The following PKHD1 variants were observed in gnomAD, a reference collection of about 807,000 sequenced individuals.
The protein encoded by PKHD1 is PKHD1 ciliary IPT domain containing fibrocystin/polyductin, also known as fibrocystin.
A neutral mutation model predicts 412.0 loss-of-function variants in PKHD1; 291 were observed. The ratio of observed to expected loss-of-function variants is 0.71; its 90% CI spans 0.64 to 0.78. The LOEUF (loss-of-function observed/expected upper bound fraction) is 0.78. Ranked by LOEUF, PKHD1 falls within the 30% of genes least tolerant of loss-of-function variation. The probability of loss-of-function intolerance (pLI) is 0.00; values close to 1 mark genes in which losing one functional copy is unlikely to be tolerated. For synonymous variants in PKHD1, 1,777 were observed against 1,821.5 expected (o/e 0.98, Z 0.62); for missense variants, 4,825 against 4,950.7 (o/e 0.97, Z 0.76).
intron 60 of PKHD1, among the ~76,000 whole-genome samples, chr6:51,702,181 A>AATATATTATATATATTATATGTATAAT (rs1157477448): frequency 9.6e-5 from 14 of 146,114 alleles, no homozygotes; most frequent in South Asian, 4.2e-4. Flanking sequence ...TATAATATAT[A>AATATATTATATATATTATATGTATAAT]ATATATTATA....
In PKHD1 at chr6:51,748,399, A is replaced by G; in HGVS notation, c.9217T>C (p.Trp3073Arg). 6.2e-7 allele frequency: 1 copy of G among 1,614,060 alleles called. No individual in the cohort carries two copies. The highest frequency in any genetic ancestry group is 1.1e-5 in the South Asian group (1 of 91,084). The change falls in exon 58 of 67, where the codon TGG becomes CGG. Residue 3073 changes from tryptophan to arginine, a missense_variant. Coordinates refer to ENST00000371117, the MANE Select transcript of PKHD1 (RefSeq NM_138694.4). The stretch of plus-strand genomic sequence containing the variant: ...ATTCCCGCCACCCAAATGGTGGACC[A>G]CGCTGGCTGTGTCATCAGAACCACA... ...NLVVLMTQPA[W>R]STIWVAGIKV...
At chr6:51,701,241 G>A (rs991387918) in intron 60 of PKHD1, among the ~76,000 whole-genome samples, 1 of 151,992 alleles carries the variant, frequency 6.6e-6, no homozygotes, top group African/African-American at 2.4e-5. Context: ...TTCATGGTGA[G>A]TATCACTGGT....
chr6:51,767,558 C>T (rs1289510870), intron 55 of PKHD1, among the ~76,000 whole-genome samples: 4 of 152,018 alleles, frequency 2.6e-5, no homozygotes, highest in African/African-American at 2.4e-5. Context: ...TGAGTGAGAA[C>T]ATGCAGTGTT....
Position 52,022,794 on chromosome 6 carries a change from T to C in PKHD1, c.5380+7A>G. ...TTAAAATATATGTGTGTGGCATCTT[T>C]ACTCACCATCCAGGGGCAGAACCAA... On this transcript the variant is annotated splice_region_variant and intron_variant, in intron 33 of 66. Coordinates refer to ENST00000371117, the MANE Select transcript of PKHD1 (RefSeq NM_138694.4). The C allele has an allele frequency of 1.2e-6, 2 of 1,613,854 alleles. No individual in the cohort carries two copies.
At chr6:51,946,902 G>T (rs555771442) in intron 36 of PKHD1, among the ~76,000 whole-genome samples, 1 of 152,122 alleles carries the variant, frequency 6.6e-6, no homozygotes, top group Non-Finnish European at 1.5e-5. Context: ...CCAACAATTA[G>T]TCATCCTCTA....
intron 37 of PKHD1, among the ~76,000 whole-genome samples, chr6:51,919,198 T>C (rs1784297986): frequency 6.6e-6 from 1 of 152,386 alleles, no homozygotes; most frequent in East Asian, 1.9e-4. Flanking sequence ...CATGAAGTCC[T>C]TGCCCATGCC....
chr6:51,674,272 T>A (rs566110495), intron 60 of PKHD1, among the ~76,000 whole-genome samples: 1 of 152,268 alleles, frequency 6.6e-6, no homozygotes, highest in African/African-American at 2.4e-5. Flanking sequence ...ATATATCTGT[T>A]AAGAAACCCA....
intron 23 of PKHD1, among the ~76,000 whole-genome samples, chr6:52,047,928 T>C (rs994577154): frequency 6.6e-6 from 1 of 152,248 alleles, no homozygotes; most frequent in African/African-American, 2.4e-5. Flanking sequence ...AGGAAAAATC[T>C]GTCCTAGATT....
chr6:51,895,939 C>T (rs199804886), intron 43 of PKHD1, among the ~76,000 whole-genome samples: 1 of 152,190 alleles, frequency 6.6e-6, no homozygotes, highest in African/African-American at 2.4e-5. Flanking sequence ...CACTCCCACC[C>T]GAATACTGCG....
chr6:52,058,255 T>C (rs1256064756), intron 16 of PKHD1, 68 bp downstream of exon 16: 16 of 1,531,936 alleles, frequency 1.0e-5, no homozygotes, highest in Non-Finnish European at 1.4e-5. Context: ...TCCCAGTCAG[T>C]GCTCCTGCTA....
intron 60 of PKHD1, among the ~76,000 whole-genome samples, chr6:51,732,998 A>G (rs1783404528): frequency 6.6e-6 from 1 of 152,190 alleles, no homozygotes; most frequent in African/African-American, 2.4e-5. Context: ...ATGCTAAAAG[A>G]AATAAGCCAG....
chr6:52,070,551 C>G (rs1010695329), intron 9 of PKHD1, 106 bp from the exon 10 acceptor site: 26 of 801,108 alleles, frequency 3.2e-5, no homozygotes, highest in Non-Finnish European at 4.9e-5. Context: ...AAATTACCAC[C>G]CAAACCTGTA....
intron 64 of PKHD1, among the ~76,000 whole-genome samples, chr6:51,638,151 A>T (rs1049503605): frequency 3.3e-5 from 5 of 152,236 alleles, no homozygotes; most frequent in African/African-American, 1.2e-4. Context: ...ATCTGTAAAC[A>T]CTGGACTATC....
intron 27 of PKHD1, among the ~76,000 whole-genome samples, chr6:52,036,884 T>C (rs1015929646): frequency 6.6e-6 from 1 of 152,196 alleles, no homozygotes; most frequent in Non-Finnish European, 1.5e-5. Context: ...AATTAAAGCA[T>C]AAATGCAATT....
intron 58 of PKHD1, among the ~76,000 whole-genome samples, chr6:51,747,128 G>A (rs546346304): frequency 1.3e-5 from 2 of 152,234 alleles, no homozygotes; most frequent in African/African-American, 2.4e-5. Context: ...AGAGCAATAT[G>A]GCTTTTCATT....
intron 52 of PKHD1, among the ~76,000 whole-genome samples, chr6:51,827,294 A>G (rs2151489609): frequency 6.6e-6 from 1 of 152,286 alleles, no homozygotes; most frequent in Non-Finnish European, 1.5e-5. Flanking sequence ...AGCACCTGAT[A>G]CATTACAAAT....
rs200536402 is a variant in PKHD1 at position 52,080,195 on chromosome 6, C to CA, written c.282-188dup. Among the ~76,000 whole-genome samples the CA allele has an allele frequency of 0.017, 2,574 of 151,606 alleles. 72 individuals are homozygous for CA. The highest frequency in any genetic ancestry group is 0.059 in the African/African-American group (2,427 of 41,370). On this transcript the variant is annotated intron_variant, in intron 4 of 66. Coordinates refer to ENST00000371117, the MANE Select transcript of PKHD1 (RefSeq NM_138694.4). ...AGACTTTAAGAACTGGGTCCTTCAG[C>CA]AAAAAAAAGTTATGATTTTTTGTGT...
At chr6:51,800,614 T>C (rs771914627) in intron 52 of PKHD1, among the ~76,000 whole-genome samples, 1 of 152,224 alleles carries the variant, frequency 6.6e-6, no homozygotes, top group South Asian at 2.1e-4. Context: ...GTCACTATTG[T>C]GTAGCATTCC....
At chr6:51,836,376 C>A in intron 51 of PKHD1, 28 bp downstream of exon 51, 1 of 1,453,582 alleles carries the variant, frequency 6.9e-7, no homozygotes, top group Non-Finnish European at 9.7e-7. Context: ...CCATACTAGA[C>A]ACTTCTACTT....
Sources: allele counts gnomAD v4.1 joint callset (sites outside exome capture counted in the v4.1 genomes callset), GRCh38; gene constraint gnomAD v4.1.1; transcripts MANE v1.5; gene names NCBI Gene and HGNC (gene_info 2026-07-23, HGNC 2026-07-21).